Variants in TECTA observed in about 807,000 individuals in gnomAD.
TECTA encodes alpha-tectorin.
A neutral mutation model predicts 216.8 loss-of-function variants in TECTA; 128 were observed. The observed-to-expected ratio is 0.59, with a 90% CI of 0.51 to 0.68. TECTA has a LOEUF of 0.68. Ranked by LOEUF, TECTA falls within the 30% of genes least tolerant of loss-of-function variation. The pLI is 0.00. For synonymous variants in TECTA, 1,089 were observed against 1,117.1 expected, an observed-to-expected ratio of 0.97 and a Z score of 0.50; for missense variants, 2,551 against 2,786.2, an observed-to-expected ratio of 0.92 and a Z score of 1.90.
intron 3 of TECTA, among the ~76,000 whole-genome samples, chr11:121,107,233 G>C (rs981641898): frequency 1.3e-5 from 2 of 152,214 alleles, no homozygotes; most frequent in African/African-American, 4.8e-5. Context: ...TTCCGTGCTG[G>C]AAGCCCAGTT....
At chr11:121,167,281 A>T (rs1330605133) in intron 18 of TECTA, among the ~76,000 whole-genome samples, 2 of 152,148 alleles carry the variant, frequency 1.3e-5, no homozygotes, top group Non-Finnish European at 2.9e-5. Context: ...TAAAAAATCT[A>T]AAAATTAGCT....
rs781314852 is a variant in TECTA at position 121,137,735 on chromosome 11, G to A, written c.3256G>A (p.Glu1086Lys). Residue 1086 changes from glutamate to lysine, a missense_variant, in exon 11 of 24, where the codon GAA becomes AAA. By Grantham distance (56) the Glu-to-Lys change is moderately conservative. Coordinates refer to ENST00000392793, the MANE Select transcript of TECTA (RefSeq NM_005422.4). ...PCKDDEYCME[E>K]GGLYYCQART... is the part of the protein sequence containing the mutation. ...CAAGGATGATGAGTACTGCATGGAG[G>A]AAGGTGGCCTGTACTACTGCCAAGC... 1 of 1,614,190 alleles carries A rather than the reference G, an allele frequency of 6.2e-7. No individual in the cohort carries two copies. The highest frequency in any genetic ancestry group is 1.1e-5 in the South Asian group (1 of 91,082).
chr11:121,190,917 A>C lies in TECTA; in HGVS notation c.*111A>C. On this transcript the variant is annotated 3_prime_UTR_variant, in exon 24 of 24. Coordinates refer to ENST00000392793, the MANE Select transcript of TECTA (RefSeq NM_005422.4). ...CCTATTTGAAAGTGTCCAGCATCTC[A>C]AAATGATGCCACCTGCCTCCAATGG... 1.6e-5 allele frequency: 13 copies of C among 814,548 alleles called. No individual in the cohort carries two copies. The highest frequency in any genetic ancestry group is 2.4e-5 in the Non-Finnish European group (12 of 498,966). 50.5% of individuals were successfully genotyped at this position (814,548 alleles called of 1,614,324 possible).
At chr11:121,140,138 T>C (rs1363724921) in intron 11 of TECTA, among the ~76,000 whole-genome samples, 1 of 152,214 alleles carries the variant, frequency 6.6e-6, no homozygotes, top group Non-Finnish European at 1.5e-5. Flanking sequence ...TAGTTTATGA[T>C]GAATTGTGTT....
intron 15 of TECTA, 97 bp from the exon 16 acceptor site, chr11:121,161,978 A>G (rs763380840): frequency 2.0e-6 from 3 of 1,498,788 alleles, no homozygotes; most frequent in Admixed American, 1.7e-5. Flanking sequence ...AATTGGCACA[A>G]TGCACTAGCT....
chr11:121,165,339 G>A lies in TECTA; in HGVS notation c.5339G>A (p.Gly1780Asp). ...CPNRTCELGNGRELCGCIEPP... is the reference protein window; with the variant it reads ...CPNRTCELGNDRELCGCIEPP... ...AACCGAACTTGCGAGCTGGGCAATG[G>A]CAGGGAGCTGTGTGGCTGCATCGAG... The change falls in exon 17 of 24, where the codon GGC (glycine) becomes GAC (aspartate). Residue 1780 changes from glycine (G) to aspartate (D), a missense_variant. Physicochemically the swap from Gly to Asp is moderately conservative, Grantham distance 94. Transcript: ENST00000392793. 6.2e-7 allele frequency: 1 copy of A among 1,607,020 alleles called. No homozygotes were observed. The highest frequency in any genetic ancestry group is 1.1e-5 in the South Asian group (1 of 88,974).
chr11:121,109,339 C>A lies in TECTA; in HGVS notation c.327C>A (p.Gly109=), dbSNP rs727504830. The change falls in exon 4 of 24, where the codon GGC becomes GGA. Residue 109 remains glycine (G), a synonymous_variant. Coordinates refer to ENST00000392793, the MANE Select transcript of TECTA (RefSeq NM_005422.4). The part of the protein sequence containing the change: ...FWADVHNGIR[G]EIYYRETMEP... ...CAGATGTGCACAATGGAATTCGAGG[C>A]GAGATCTATTACAGAGAGACCATGG... is the stretch of plus-strand genomic sequence containing the variant. 3 of 1,614,106 alleles carry A rather than the reference C, an allele frequency of 1.9e-6. No homozygotes were observed. The highest frequency in any genetic ancestry group is 1.1e-5 in the South Asian group (1 of 91,072).
At chr11:121,114,543 G>T (rs1946477763) in intron 6 of TECTA, among the ~76,000 whole-genome samples, 1 of 148,040 alleles carries the variant, frequency 6.8e-6, no homozygotes, top group Admixed American at 6.7e-5. Context: ...TAATGCCTCT[G>T]TTCATTAGTC....
chr11:121,144,665 T>G (rs1036633883), intron 11 of TECTA, among the ~76,000 whole-genome samples: 1 of 152,234 alleles, frequency 6.6e-6, no homozygotes, highest in African/African-American at 2.4e-5. Context: ...TGGAGTTTAC[T>G]GTTAAGGGAT....
chr11:121,190,592 G>A, intron 23 of TECTA, 114 bp from the exon 24 acceptor site: 2 of 815,466 alleles, frequency 2.5e-6, no homozygotes, highest in South Asian at 2.9e-5. Flanking sequence ...AGGTAAAATG[G>A]GTTCTTGGCA....
rs142657158 is a variant in TECTA at position 121,162,258 on chromosome 11, C to A, written c.5160C>A (p.Asp1720Glu). The A allele has an allele frequency of 6.2e-7, 1 of 1,614,068 alleles. No homozygotes were observed. Among genetic ancestry groups the A allele is most frequent in the Non-Finnish European group, 8.5e-7 (1 of 1,180,046 alleles). The change falls in exon 16 of 24, where the codon GAC becomes GAA. Residue 1720 changes from aspartate to glutamate, a missense_variant. Physicochemically the swap from Asp to Glu is conservative, Grantham distance 45 (BLOSUM62 2). Around this residue, in one of 3 missense-constraint regions of TECTA, gnomAD observed 2,375 missense variants for 2,563.9 expected, o/e 0.93. Transcript: ENST00000392793. ...PLPFYESCYL[D>E]GCYSHKKFQL... Reference sequence around the variant, plus strand: ...CATTCTACGAGTCCTGCTACCTGGACGGCTGCTACAGCCACAAGAAGTTCC... The same window carrying A: ...CATTCTACGAGTCCTGCTACCTGGAAGGCTGCTACAGCCACAAGAAGTTCC...
At chr11:121,161,936 TTACTTGCCAA>T (rs1352336168) in intron 15 of TECTA, 129 bp from the exon 16 acceptor site, 1 of 1,017,732 alleles carries the variant, frequency 9.8e-7, no homozygotes, top group Non-Finnish European at 1.5e-6. Flanking sequence ...TAGCAGTATC[TTACTTGCCAA>T]AGGTCACAAA....
In TECTA at chr11:121,109,263, C is replaced by T; in HGVS notation, c.251C>T (p.Pro84Leu). 1 of 1,614,182 alleles carries T rather than the reference C, an allele frequency of 6.2e-7. No individual in the cohort carries two copies. The highest frequency in any genetic ancestry group is 8.5e-7 in the Non-Finnish European group (1 of 1,180,036). The change falls in exon 4 of 24, where the codon CCA becomes CTA. Residue 84 changes from proline (P) to leucine (L), a missense_variant. Around this residue, in one of 3 missense-constraint regions of TECTA, gnomAD observed 2,375 missense variants for 2,563.9 expected, o/e 0.93. Coordinates refer to ENST00000392793, the MANE Select transcript of TECTA (RefSeq NM_005422.4). ...SFNVLVSQFT[P>L]ESFPLTDGRA... ...AATGTGCTAGTGAGCCAGTTCACGC[C>T]AGAATCCTTTCCCCTGACAGATGGG... is the stretch of plus-strand genomic sequence containing the variant.
In TECTA at chr11:121,113,972, C is replaced by T. The variant is rs658494; in HGVS notation, c.790+254C>T. Among the ~76,000 whole-genome samples, 31,739 of 152,052 alleles carry T rather than the reference C, an allele frequency of 0.21. 3,393 individuals carry two copies. The highest frequency in any genetic ancestry group is 0.22 in the East Asian group (1,139 of 5,172). ...CACAGTTATCCGTTCTGAACAACTC[C>T]GAAATGGACCAAGATCTTGAGTGAT... On this transcript the variant is annotated intron_variant, in intron 6 of 23. Coordinates refer to ENST00000392793, the MANE Select transcript of TECTA (RefSeq NM_005422.4). This position sits in a 1 kb window ranked among gnomAD's most constrained non-coding sequence, Gnocchi z 4.2.
intron 16 of TECTA, among the ~76,000 whole-genome samples, chr11:121,162,694 G>A (rs983545153): frequency 2.6e-5 from 4 of 152,184 alleles, no homozygotes; most frequent in Non-Finnish European, 4.4e-5. Context: ...ATGGATTTTA[G>A]TTCCCAAACT....
intron 18 of TECTA, among the ~76,000 whole-genome samples, chr11:121,167,068 T>C (rs753869538): frequency 7.9e-5 from 12 of 152,226 alleles, no homozygotes; most frequent in Non-Finnish European, 1.6e-4. Flanking sequence ...CTGCTTCTAT[T>C]GCTCTTTGAG....
rs1946632766 is a variant in TECTA at position 121,128,103 on chromosome 11, G to A, written c.2126G>A (p.Arg709Gln). The change falls in exon 9 of 24, where the codon CGG becomes CAG. Residue 709 changes from arginine to glutamine, a missense_variant. By Grantham distance (43) the Arg-to-Gln change is conservative. Transcript: ENST00000392793. Reference protein sequence around the residue: ...EDGYQGCFPKRETVCLLSQNQ... With the variant: ...EDGYQGCFPKQETVCLLSQNQ... ...GGCTACCAGGGCTGCTTCCCCAAGCGGGAGACCGTGTGCCTGCTCAGCCAG... is the reference window on the plus strand; with the variant it reads ...GGCTACCAGGGCTGCTTCCCCAAGCAGGAGACCGTGTGCCTGCTCAGCCAG... The A allele has an allele frequency of 1.9e-6, 3 of 1,612,788 alleles. No individual in the cohort carries two copies. The highest frequency in any genetic ancestry group is 1.3e-5 in the African/African-American group (1 of 74,942).
At chr11:121,131,967 C>G (rs968952422) in intron 10 of TECTA, among the ~76,000 whole-genome samples, 1 of 152,200 alleles carries the variant, frequency 6.6e-6, no homozygotes, top group South Asian at 2.1e-4. Context: ...AAGGTAGTGT[C>G]TGTCAGATTT....
At chr11:121,148,331 G>A (rs146567076) in intron 12 of TECTA, among the ~76,000 whole-genome samples, 25 of 152,282 alleles carry the variant, frequency 1.6e-4, no homozygotes, top group African/African-American at 5.1e-4. Context: ...CAGGATAGGG[G>A]CAAAGATCCA....
Sources: allele counts gnomAD v4.1 joint callset (sites outside exome capture counted in the v4.1 genomes callset), GRCh38; gene constraint gnomAD v4.1.1; regional missense constraint gnomAD v4.1.1; non-coding constraint Gnocchi (gnomAD v3.1); transcripts MANE v1.5; gene names NCBI Gene and HGNC (gene_info 2026-07-23, HGNC 2026-07-21).